Variants in SPATA16 observed in about 807,000 individuals in gnomAD.
SPATA16 encodes spermatogenesis-associated protein 16.
SPATA16 carries 36 observed loss-of-function variants against 63.3 expected under a neutral mutation model. The ratio of observed to expected loss-of-function variants is 0.57; its 90% CI spans 0.44 to 0.75. SPATA16 has a LOEUF of 0.75. SPATA16 is among the 30% of genes least tolerant of loss of function. The probability of loss-of-function intolerance (pLI) is 0.00; values close to 1 mark genes in which losing one functional copy is unlikely to be tolerated. For missense variants in SPATA16, 646 were observed against 679.3 expected, an observed-to-expected ratio of 0.95 and a Z score of 0.54; for synonymous variants, 203 against 216.7, an observed-to-expected ratio of 0.94 and a Z score of 0.56.
chr3:173,086,098 T>A (rs187298988), intron 2 of SPATA16, among the ~76,000 whole-genome samples: 1 of 152,256 alleles, frequency 6.6e-6, no homozygotes, highest in East Asian at 1.9e-4. Flanking sequence ...TGGAATAATT[T>A]CAGAAAAAAT....
At chr3:173,077,589 T>C (rs1736836977) in intron 2 of SPATA16, among the ~76,000 whole-genome samples, 1 of 152,180 alleles carries the variant, frequency 6.6e-6, no homozygotes, top group Non-Finnish European at 1.5e-5. Context: ...AGAAGTACTT[T>C]TGCTAGAGAA....
intron 4 of SPATA16, among the ~76,000 whole-genome samples, chr3:172,979,064 C>T (rs1321170786): frequency 6.6e-6 from 1 of 152,000 alleles, no homozygotes; most frequent in East Asian, 1.9e-4. Flanking sequence ...GGTGAAACCC[C>T]ATCTCTACTA....
intron 6 of SPATA16, among the ~76,000 whole-genome samples, chr3:172,933,172 G>A (rs1732907960): frequency 6.6e-6 from 1 of 152,202 alleles, no homozygotes; most frequent in Admixed American, 6.5e-5. Flanking sequence ...AAACATTAAA[G>A]ATTCCCTCTC....
chr3:172,907,219 A>G (rs981154931), intron 10 of SPATA16, among the ~76,000 whole-genome samples: 6 of 152,126 alleles, frequency 3.9e-5, no homozygotes, highest in South Asian at 4.1e-4. Context: ...CAGGTCCCCA[A>G]ATTGCTAGTT....
intron 4 of SPATA16, among the ~76,000 whole-genome samples, chr3:172,987,430 A>G (rs1734482564): frequency 6.6e-6 from 1 of 152,156 alleles, no homozygotes; most frequent in Admixed American, 6.5e-5. Flanking sequence ...TCACTCTCCC[A>G]TGATGGACAG....
intron 5 of SPATA16, among the ~76,000 whole-genome samples, chr3:172,961,331 T>C (rs145256681): frequency 6.6e-5 from 10 of 152,322 alleles, no homozygotes; most frequent in African/African-American, 2.4e-4. Context: ...AGATTAGATC[T>C]GGAAGGAACC....
intron 10 of SPATA16, 72 bp downstream of exon 10, chr3:172,913,589 A>G: frequency 6.8e-7 from 1 of 1,474,190 alleles, no homozygotes; most frequent in South Asian, 1.1e-5. Context: ...TTTATCCTCC[A>G]AACAGATTTG....
At chr3:172,991,920 T>C (rs1242530623) in intron 4 of SPATA16, among the ~76,000 whole-genome samples, 2 of 152,170 alleles carry the variant, frequency 1.3e-5, no homozygotes, top group Admixed American at 6.6e-5. Context: ...ACTATATGTG[T>C]TTATAGTATT....
At chr3:172,938,532 C>T (rs1733066130) in intron 6 of SPATA16, among the ~76,000 whole-genome samples, 1 of 152,172 alleles carries the variant, frequency 6.6e-6, no homozygotes, top group South Asian at 2.1e-4. Flanking sequence ...TAAAGCGCCT[C>T]TAACAAGTTC....
chr3:173,139,823 T>C (rs1210882184), intron 1 of SPATA16, among the ~76,000 whole-genome samples: 2 of 152,082 alleles, frequency 1.3e-5, no homozygotes, highest in African/African-American at 4.8e-5. Flanking sequence ...ATGTCTCTAC[T>C]AAAAATACAA....
intron 5 of SPATA16, among the ~76,000 whole-genome samples, chr3:172,958,793 G>A (rs1185883990): frequency 6.6e-6 from 1 of 152,038 alleles, no homozygotes; most frequent in Non-Finnish European, 1.5e-5. Flanking sequence ...GCACGCACGT[G>A]TGTGTGTGTG....
At chr3:172,940,529 A>G (rs1321247088) in intron 6 of SPATA16, among the ~76,000 whole-genome samples, 1 of 152,230 alleles carries the variant, frequency 6.6e-6, no homozygotes, top group Non-Finnish European at 1.5e-5. Context: ...AAAGTACTAA[A>G]TATAATAAAA....
chr3:172,961,499 A>G (rs1733784181), intron 5 of SPATA16, among the ~76,000 whole-genome samples: 1 of 151,962 alleles, frequency 6.6e-6, no homozygotes, highest in African/African-American at 2.4e-5. Context: ...GGTTCAAGCT[A>G]TTCTCCCAGT....
chr3:172,940,620 A>G (rs1348834422), intron 6 of SPATA16, among the ~76,000 whole-genome samples: 1 of 152,208 alleles, frequency 6.6e-6, no homozygotes, highest in Non-Finnish European at 1.5e-5. Context: ...GGAAAAACAC[A>G]CACTGGGGCC....
intron 4 of SPATA16, among the ~76,000 whole-genome samples, chr3:173,005,262 T>G (rs1734915145): frequency 6.8e-6 from 1 of 147,280 alleles, no homozygotes; most frequent in Admixed American, 7.0e-5. Flanking sequence ...AGGCGAAGGT[T>G]GCAGTGAGCT....
intron 2 of SPATA16, among the ~76,000 whole-genome samples, chr3:173,091,096 C>T (rs1470607373): frequency 1.3e-5 from 2 of 152,118 alleles, no homozygotes; most frequent in East Asian, 3.9e-4. Flanking sequence ...TGTCTACCAC[C>T]ATCACTTCTG....
intron 5 of SPATA16, among the ~76,000 whole-genome samples, chr3:172,973,587 T>C (rs530180483): frequency 6.6e-5 from 10 of 152,272 alleles, no homozygotes; most frequent in African/African-American, 2.2e-4. Flanking sequence ...TGAAAGTGAA[T>C]GCAGCAGGAC....
intron 2 of SPATA16, among the ~76,000 whole-genome samples, chr3:173,068,781 C>T (rs1736587298): frequency 6.7e-6 from 1 of 148,980 alleles, no homozygotes; most frequent in South Asian, 2.1e-4. Context: ...TTGTTAAATA[C>T]TAGAAAAGTA....
intron 8 of SPATA16, among the ~76,000 whole-genome samples, chr3:172,921,089 A>C: frequency 1.3e-5 from 2 of 149,028 alleles, no homozygotes; most frequent in Non-Finnish European, 3.0e-5. Flanking sequence ...TTTGGGTAGA[A>C]TGGAGTCTCA....
Sources: gnomAD v4.1 joint callset for allele counts (sites outside exome capture counted in the v4.1 genomes callset) on GRCh38, gnomAD v4.1.1 for gene constraint, MANE v1.5 for transcripts, NCBI Gene and HGNC (gene_info 2026-07-23, HGNC 2026-07-21) for gene names.